XRCC5: variants seen among roughly 807,000 people sequenced by gnomAD.
XRCC5 encodes DNA repair protein Ku80.
In XRCC5, 12 loss-of-function variants were observed where a neutral mutation model predicts 95.7. The ratio of observed to expected loss-of-function variants is 0.13; its 90% CI spans 0.08 to 0.20. XRCC5 has a LOEUF of 0.20. Ranked by LOEUF, XRCC5 falls within the 10% of genes least tolerant of loss-of-function variation. The pLI, the probability that XRCC5 is intolerant of heterozygous loss-of-function variation, is 1.00. For missense variants in XRCC5, 595 were observed against 873.9 expected, an observed-to-expected ratio of 0.68 and a Z score of 4.02; for synonymous variants, 281 against 290.3, an observed-to-expected ratio of 0.97 and a Z score of 0.33.
chr2:216,112,883 T>G (rs1335825433), intron 1 of XRCC5, 133 bp from the exon 2 acceptor site: 2 of 665,838 alleles, frequency 3.0e-6, no homozygotes, highest in African/African-American at 1.8e-5. Context: ...CACATTCTTA[T>G]GTAGAACACA....
chr2:216,203,469 G>C (rs1689881239), intron 19 of XRCC5, among the ~76,000 whole-genome samples: 1 of 152,142 alleles, frequency 6.6e-6, no homozygotes, highest in African/African-American at 2.4e-5. Context: ...GAAGGAAAAG[G>C]CTCCCCACTG....
chr2:216,189,616 G>C (rs1386611486), intron 16 of XRCC5, among the ~76,000 whole-genome samples: 2 of 152,196 alleles, frequency 1.3e-5, no homozygotes, highest in Non-Finnish European at 2.9e-5. Context: ...TTTTGGAGTA[G>C]TGAGCAATAG....
intron 7 of XRCC5, among the ~76,000 whole-genome samples, chr2:216,127,172 G>T (rs1482223803): frequency 6.6e-6 from 1 of 152,062 alleles, no homozygotes; most frequent in South Asian, 2.1e-4. Context: ...CCCGGGAGGC[G>T]GAGGTTGCAG....
At chr2:216,119,870 A>C (rs978512157) in intron 5 of XRCC5, among the ~76,000 whole-genome samples, 1 of 152,202 alleles carries the variant, frequency 6.6e-6, no homozygotes, top group Non-Finnish European at 1.5e-5. Flanking sequence ...TTCTTGCTGC[A>C]TTTGAAACAT....
rs1553579201 is a variant in XRCC5, at chr2:216,187,861, T to TCCCC, written c.1835-2363_1835-2360dup. ...CTCTCTCTCTCTCTCTCTCTCTCTC[T>TCCCC]CCCCGTCTCCCTGTCTCTCCCTCTC... On this transcript the variant is annotated intron_variant, in intron 16 of 20. Coordinates refer to ENST00000392132, the MANE Select transcript of XRCC5 (RefSeq NM_021141.4). 6.5e-4 allele frequency among the ~76,000 whole-genome samples: 75 copies of TCCCC among 116,262 alleles called. 2 individuals carry two copies. Among genetic ancestry groups the TCCCC allele is most frequent in the African/African-American group, 1.3e-3 (31 of 23,902 alleles). The allele number at this position is 116,262 out of a possible 152,430, so 76.3% of individuals were successfully genotyped here. A position where few individuals can be genotyped will look rare whatever the true frequency, so the allele number is the denominator to read the frequency against.
At chr2:216,137,761 G>A (rs41296390) in intron 11 of XRCC5, among the ~76,000 whole-genome samples, 5 of 152,148 alleles carry the variant, frequency 3.3e-5, no homozygotes, top group Admixed American at 6.5e-5. Context: ...TACTGTGGCC[G>A]AACTGGAAAG....
intron 17 of XRCC5, among the ~76,000 whole-genome samples, chr2:216,191,289 G>A (rs963642203): frequency 2.3e-4 from 35 of 151,876 alleles, no homozygotes; most frequent in African/African-American, 8.2e-4. Context: ...GCCACCCAGT[G>A]TCCTTAAAAA....
chr2:216,175,486 AAAC>A (rs1322056124), intron 16 of XRCC5: 1 of 489,364 alleles, frequency 2.0e-6, no homozygotes, highest in East Asian at 5.5e-5. Context: ...TGGTGTTTCT[AAAC>A]AACAGTTTTA....
intron 8 of XRCC5, among the ~76,000 whole-genome samples, chr2:216,129,411 G>T (rs1205609538): frequency 6.6e-6 from 1 of 152,150 alleles, no homozygotes; most frequent in East Asian, 1.9e-4. Flanking sequence ...GTAGTCTATT[G>T]TAAGTATACA....
intron 17 of XRCC5, among the ~76,000 whole-genome samples, chr2:216,191,874 T>C (rs978577102): frequency 2.6e-5 from 4 of 152,218 alleles, no homozygotes; most frequent in Admixed American, 2.0e-4. Flanking sequence ...CTATATTTCA[T>C]ACAAGAATAT....
chr2:216,135,691 C>T (rs1047753196), intron 10 of XRCC5, among the ~76,000 whole-genome samples: 24 of 151,804 alleles, frequency 1.6e-4, no homozygotes, highest in African/African-American at 4.8e-4. Context: ...TCCAGCTACT[C>T]GGGAGGCTGA....
intron 16 of XRCC5, among the ~76,000 whole-genome samples, chr2:216,189,295 A>G (rs1689569812): frequency 6.6e-6 from 1 of 152,234 alleles, no homozygotes. Context: ...ATAAATTGCC[A>G]AACAGCCACA....
At chr2:216,113,220 T>C (rs1696624477) in intron 2 of XRCC5, 91 bp downstream of exon 2, 3 of 1,057,770 alleles carry the variant, frequency 2.8e-6, no homozygotes, top group Middle Eastern at 2.1e-4. Flanking sequence ...CTCCTTATAG[T>C]GTCCAGCCCC....
At chr2:216,159,180 C>T (rs1333232619) in intron 14 of XRCC5, among the ~76,000 whole-genome samples, 1 of 152,102 alleles carries the variant, frequency 6.6e-6, no homozygotes, top group Non-Finnish European at 1.5e-5. Flanking sequence ...TACTAATTCT[C>T]TTATCATTTA....
rs367910761 is a variant in XRCC5, at chr2:216,122,710, A to AT, written c.683+467dup. Among the ~76,000 whole-genome samples the AT allele has an allele frequency of 2.4e-4, 35 of 148,694 alleles. 1 individual carries two copies. Among genetic ancestry groups the AT allele is most frequent in the Admixed American group, 1.1e-3 (17 of 14,830 alleles). Reference sequence around the variant, plus strand: ...GAAAGTAGCATACTATGGTATAGTGATTTTTTTTTTAAACTTTTGATCACA... The same window carrying AT: ...GAAAGTAGCATACTATGGTATAGTGATTTTTTTTTTTAAACTTTTGATCACA... On this transcript the variant is annotated intron_variant, in intron 6 of 20. Transcript: ENST00000392132.
intron 16 of XRCC5, among the ~76,000 whole-genome samples, chr2:216,177,951 A>G (rs1472771268): frequency 2.6e-5 from 4 of 152,224 alleles, no homozygotes; most frequent in Admixed American, 2.6e-4. Flanking sequence ...CAAAGATAAG[A>G]TATGCCTGCA....
At chr2:216,203,666 TTTTCTCATCCA>T (rs1443424161) in intron 19 of XRCC5, among the ~76,000 whole-genome samples, 2 of 152,288 alleles carry the variant, frequency 1.3e-5, no homozygotes, top group East Asian at 3.9e-4. Flanking sequence ...TGCTGAATGG[TTTTCTCATCCA>T]TTTCTCATCT....
intron 13 of XRCC5, among the ~76,000 whole-genome samples, chr2:216,143,163 G>C (rs1408785081): frequency 2.0e-5 from 3 of 152,184 alleles, no homozygotes; most frequent in East Asian, 1.9e-4. Flanking sequence ...GTCCTACTGA[G>C]TTCTACTGAA....
intron 16 of XRCC5, among the ~76,000 whole-genome samples, chr2:216,181,223 T>C (rs1310982754): frequency 1.3e-5 from 2 of 152,190 alleles, no homozygotes; most frequent in Admixed American, 6.5e-5. Flanking sequence ...ATCTTATCAC[T>C]ATCCGAATTC....
Sources: gnomAD v4.1 joint callset for allele counts (sites outside exome capture counted in the v4.1 genomes callset) on GRCh38, gnomAD v4.1.1 for gene constraint, MANE v1.5 for transcripts, NCBI Gene and HGNC (gene_info 2026-07-23, HGNC 2026-07-21) for gene names.